FYN: variants seen among roughly 807,000 people sequenced by gnomAD.
The protein encoded by FYN is FYN proto-oncogene, Src family tyrosine kinase.
Under a neutral mutation model 70.2 loss-of-function variants are expected in FYN, and 10 were observed. The observed-to-expected ratio is 0.14, with a 90% CI of 0.09 to 0.24. The LOEUF (loss-of-function observed/expected upper bound fraction) is 0.24, where lower values mean the gene tolerates loss of function less well. Ranked by LOEUF, FYN falls within the 10% of genes least tolerant of loss-of-function variation. The pLI is 1.00. For missense variants in FYN, 319 were observed against 673.1 expected (o/e 0.47, Z 5.82); for synonymous variants, 236 against 248.6 (o/e 0.95, Z 0.48).
At chr6:111,715,987 T>C (rs36032743) in intron 4 of FYN, among the ~76,000 whole-genome samples, 20,286 of 152,296 alleles carry the variant, frequency 0.13, 1,507 homozygotes, top group South Asian at 0.34. Context: ...GATTCATAAA[T>C]ACACAGTTAT....
Position 111,694,408 on chromosome 6 carries a change from A to G in FYN, c.1240T>C (p.Leu414=), listed in dbSNP as rs369491771. ...CKIADFGLAR[L]IEDNEYTARQ... is the part of the protein sequence containing the mutation. Reference sequence around the variant, plus strand: ...GCTGTGTACTCATTGTCTTCTATCAATCGGGCCAATCCGAAGTCAGCAATC... The same window carrying G: ...GCTGTGTACTCATTGTCTTCTATCAGTCGGGCCAATCCGAAGTCAGCAATC... Residue 414 remains leucine, a synonymous_variant, in exon 12 of 14, where the codon TTG becomes CTG. Coordinates refer to ENST00000354650, the MANE Select transcript of FYN (RefSeq NM_002037.5). This position sits in a 1 kb window ranked among gnomAD's most constrained non-coding sequence, Gnocchi z 5.0. The G allele has an allele frequency of 2.7e-5, 43 of 1,614,090 alleles. No individual in the cohort carries two copies. Among genetic ancestry groups the G allele is most frequent in the African/African-American group, 5.3e-5 (4 of 74,930 alleles).
At chr6:111,846,698 C>G (rs994046293) in intron 1 of FYN, 69 bp from the exon 2 acceptor site, 1 of 398,454 alleles carries the variant, frequency 2.5e-6, no homozygotes, top group Non-Finnish European at 4.4e-6. Flanking sequence ...ACAAACCACC[C>G]ACAAAGCACC....
chr6:111,767,748 G>A (rs1803290157), intron 3 of FYN, among the ~76,000 whole-genome samples: 1 of 152,068 alleles, frequency 6.6e-6, no homozygotes, highest in Non-Finnish European at 1.5e-5. Flanking sequence ...ATACAATTGT[G>A]GCTAATGGTT....
At chr6:111,808,686 C>T (rs924843134) in intron 2 of FYN, among the ~76,000 whole-genome samples, 1 of 152,140 alleles carries the variant, frequency 6.6e-6, no homozygotes, top group African/African-American at 2.4e-5. Flanking sequence ...ACGCCAGGTG[C>T]AAAACTTCAA....
chr6:111,751,641 A>G (rs1802493998), intron 3 of FYN, among the ~76,000 whole-genome samples: 1 of 149,522 alleles, frequency 6.7e-6, no homozygotes, highest in Non-Finnish European at 1.5e-5. Flanking sequence ...TTTTTTTTTG[A>G]GACAGCATCT....
intron 2 of FYN, among the ~76,000 whole-genome samples, chr6:111,828,237 G>C (rs1232926641): frequency 6.6e-6 from 1 of 152,124 alleles, no homozygotes; most frequent in East Asian, 1.9e-4. Flanking sequence ...ATTCCCCAAA[G>C]TGTTTTCTGA....
intron 3 of FYN, among the ~76,000 whole-genome samples, chr6:111,743,152 A>T (rs1802057860): frequency 6.6e-6 from 1 of 151,974 alleles, no homozygotes; most frequent in South Asian, 2.1e-4. Flanking sequence ...TTTTTAGTAG[A>T]GATGGGGTTT....
chr6:111,720,572 C>T (rs984362701), intron 3 of FYN, among the ~76,000 whole-genome samples: 1 of 152,088 alleles, frequency 6.6e-6, no homozygotes, highest in African/African-American at 2.4e-5. Context: ...TCATGGGTAC[C>T]ACATCTTCAG....
At chr6:111,671,625 G>A (rs375851071) in intron 13 of FYN, among the ~76,000 whole-genome samples, 1 of 152,116 alleles carries the variant, frequency 6.6e-6, no homozygotes, top group Non-Finnish European at 1.5e-5. Flanking sequence ...AAATCATGAC[G>A]GACCGGGACT....
rs1397497314 is a variant in FYN, at chr6:111,763,083, A to T, written c.-12+17483T>A. ...TCTTCAGGCAAAGCTTAATTCTTTGAACCGATTGTCAATCTGGAAATATTT... is the reference window on the plus strand; with the variant it reads ...TCTTCAGGCAAAGCTTAATTCTTTGTACCGATTGTCAATCTGGAAATATTT... On this transcript the variant is annotated intron_variant, in intron 3 of 13. Coordinates refer to ENST00000354650, the MANE Select transcript of FYN (RefSeq NM_002037.5). Among the ~76,000 whole-genome samples, 3 of 152,214 alleles carry T rather than the reference A, an allele frequency of 2.0e-5. No individual in the cohort carries two copies. In the East Asian group the frequency reaches 5.8e-4, roughly 29 times the overall value.
intron 2 of FYN, among the ~76,000 whole-genome samples, chr6:111,790,967 T>C (rs536008686): frequency 2.6e-5 from 4 of 152,360 alleles, no homozygotes; most frequent in African/African-American, 9.6e-5. Flanking sequence ...AATATTTTTA[T>C]ATGTCAATTC....
At chr6:111,805,592 GCTC>G (rs909899512) in intron 2 of FYN, among the ~76,000 whole-genome samples, 1 of 152,032 alleles carries the variant, frequency 6.6e-6, no homozygotes, top group African/African-American at 2.4e-5. Flanking sequence ...CCCCCTTTCT[GCTC>G]CTCCTATCGG....
rs368227273 is a variant in FYN at position 111,814,681 on chromosome 6, T to C, written c.-82+31908A>G. 1.4e-4 allele frequency among the ~76,000 whole-genome samples: 22 copies of C among 152,122 alleles called. No individual in the cohort carries two copies. The East Asian group carries it at 3.5e-3, about 24-fold the overall frequency. On this transcript the variant is annotated intron_variant, in intron 2 of 13. Transcript: ENST00000354650. ...TTTCAAGGATCAATGCCAAACACAA[T>C]ACATATTTTAAAAATATCTATTTGG...
chr6:111,865,231 G>T, intron 1 of FYN, among the ~76,000 whole-genome samples: 1 of 152,172 alleles, frequency 6.6e-6, no homozygotes, highest in Admixed American at 6.5e-5. Context: ...GAGGTCATGG[G>T]TTTACAAGGG....
In FYN at chr6:111,738,570, G is replaced by A. The variant is rs1801807659; in HGVS notation, c.-11-18508C>T. On this transcript the variant is annotated intron_variant, in intron 3 of 13. Transcript: ENST00000354650. ...GGAAAATCCAGCACAGTATCAGCAT[G>A]CTTTTGCTCACCAGCTGCCTGCTCT... 3.3e-5 allele frequency among the ~76,000 whole-genome samples: 5 copies of A among 152,232 alleles called. No homozygotes were observed. The South Asian group carries it at 1.0e-3, about 32-fold the overall frequency.
chr6:111,799,920 A>G (rs1474319503), intron 2 of FYN, among the ~76,000 whole-genome samples: 1 of 152,258 alleles, frequency 6.6e-6, no homozygotes, highest in Non-Finnish European at 1.5e-5. Context: ...CTGGTTAAAT[A>G]TGGACAAACC....
chr6:111,778,193 T>TCAGAGGACAAAGCATCAGAG (rs1771025800), intron 3 of FYN, among the ~76,000 whole-genome samples: 1 of 152,000 alleles, frequency 6.6e-6, no homozygotes, highest in South Asian at 2.1e-4. Flanking sequence ...GGGAGGGATA[T>TCAGAGGACAAAGCATCAGAG]GAAAATAGCA....
intron 3 of FYN, among the ~76,000 whole-genome samples, chr6:111,737,985 C>T (rs1801782963): frequency 6.6e-6 from 1 of 152,144 alleles, no homozygotes; most frequent in African/African-American, 2.4e-5. Flanking sequence ...TCCTGCTAGG[C>T]CAGGTGACAA....
chr6:111,711,374 C>T (rs936363953), intron 5 of FYN, among the ~76,000 whole-genome samples: 4 of 152,002 alleles, frequency 2.6e-5, no homozygotes, highest in African/African-American at 4.8e-5. Flanking sequence ...AGATGGTAAA[C>T]GACTAGTCTT....
Sources: allele counts gnomAD v4.1 joint callset (sites outside exome capture counted in the v4.1 genomes callset), GRCh38; gene constraint gnomAD v4.1.1; non-coding constraint Gnocchi (gnomAD v3.1); transcripts MANE v1.5; gene names NCBI Gene and HGNC (gene_info 2026-07-23, HGNC 2026-07-21).